LAMB4: variants seen among roughly 807,000 people sequenced by gnomAD.
The protein encoded by LAMB4 is laminin subunit beta 4, also known as laminin subunit beta-4.
In LAMB4, 196 loss-of-function variants were observed where a neutral mutation model predicts 199.2. The observed-to-expected ratio is 0.98, with a 90% CI of 0.88 to 1.11. The LOEUF is 1.11. Ranked by LOEUF, LAMB4 falls within the 50% of genes least tolerant of loss-of-function variation. The probability of loss-of-function intolerance (pLI) is 0.00; values close to 1 mark genes in which losing one functional copy is unlikely to be tolerated. For missense variants in LAMB4, 2,080 were observed against 2,171.2 expected, an observed-to-expected ratio of 0.96 and a Z score of 0.83; for synonymous variants, 744 against 770.6, an observed-to-expected ratio of 0.97 and a Z score of 0.57.
intron 1 of LAMB4, among the ~76,000 whole-genome samples, chr7:108,127,027 G>T (rs2038813356): frequency 1.3e-5 from 2 of 152,114 alleles, no homozygotes; most frequent in African/African-American, 2.4e-5. Flanking sequence ...ATTCTGAGAT[G>T]TAGCCAGGGT....
intron 8 of LAMB4, among the ~76,000 whole-genome samples, chr7:108,105,369 G>A (rs1276933296): frequency 6.6e-6 from 1 of 152,190 alleles, no homozygotes; most frequent in African/African-American, 2.4e-5. Context: ...ACAGGGTCTT[G>A]CACACAAAAG....
chr7:108,069,735 A>G lies in LAMB4; in HGVS notation c.2275T>C (p.Ser759Pro). Residue 759 changes from serine (S) to proline (P), a missense_variant, in exon 18 of 34, where the codon TCT (serine) becomes CCT (proline). Coordinates refer to ENST00000388781, the MANE Select transcript of LAMB4 (RefSeq NM_007356.3). ...GACERLIISM[S>P]AKLHDGAVAC... Reference sequence around the variant, plus strand: ...ACAGCCCCATCATGCAGCTTGGCAGACATGCTGATGATCAGCCTTTCACAG... The same window carrying G: ...ACAGCCCCATCATGCAGCTTGGCAGGCATGCTGATGATCAGCCTTTCACAG... The G allele has an allele frequency of 6.2e-7, 1 of 1,613,926 alleles. No homozygotes were observed. Among genetic ancestry groups the G allele is most frequent in the East Asian group, 2.2e-5 (1 of 44,890 alleles).
chr7:108,035,449 T>C (rs536918851), intron 30 of LAMB4, among the ~76,000 whole-genome samples: 8 of 150,864 alleles, frequency 5.3e-5, no homozygotes, highest in African/African-American at 1.9e-4. Flanking sequence ...GGCTGAGGCA[T>C]GAGAATCACT....
Position 108,107,833 on chromosome 7 carries a change from G to A in LAMB4, c.403-14C>T, listed in dbSNP as rs959039694. The A allele has an allele frequency of 1.3e-6, 2 of 1,558,358 alleles. No homozygotes were observed. Among genetic ancestry groups the A allele is most frequent in the Non-Finnish European group, 1.7e-6 (2 of 1,156,234 alleles). On this transcript the variant is annotated splice_polypyrimidine_tract_variant and intron_variant, in intron 5 of 33. Coordinates refer to ENST00000388781, the MANE Select transcript of LAMB4 (RefSeq NM_007356.3). ...AGGCCGAAAAGTCTAGGAAAAATGA[G>A]TAAAAGTTGGCACATTTCACAAAGG... is the stretch of plus-strand genomic sequence containing the variant.
chr7:108,130,033 T>C (rs1275590391), intron 1 of LAMB4, among the ~76,000 whole-genome samples: 2 of 152,240 alleles, frequency 1.3e-5, no homozygotes, highest in Non-Finnish European at 2.9e-5. Flanking sequence ...CACTACATCA[T>C]TTGAAGCTCC....
intron 29 of LAMB4, among the ~76,000 whole-genome samples, chr7:108,039,617 C>T (rs867929809): frequency 6.6e-6 from 1 of 152,046 alleles, no homozygotes; most frequent in Middle Eastern, 3.4e-3. Context: ...CATAGGCACG[C>T]ACCACCACAT....
At chr7:108,028,136 A>G (rs947289040) in intron 33 of LAMB4, among the ~76,000 whole-genome samples, 1 of 152,192 alleles carries the variant, frequency 6.6e-6, no homozygotes, top group African/African-American at 2.4e-5. Context: ...ATTTAGATCA[A>G]AATCCTTGTC....
intron 17 of LAMB4, among the ~76,000 whole-genome samples, chr7:108,071,346 CA>C (rs67145924): frequency 0.11 from 15,996 of 152,086 alleles, 1,025 homozygotes; most frequent in African/African-American, 0.19. Flanking sequence ...CTCTCATCAG[CA>C]CCCCCCTAAC....
Position 108,092,320 on chromosome 7 carries a change from A to G in LAMB4, c.1550+17T>C, listed in dbSNP as rs1423369131. On this transcript the variant is annotated intron_variant, in intron 13 of 33. Coordinates refer to ENST00000388781, the MANE Select transcript of LAMB4 (RefSeq NM_007356.3). ...TGTTTAAATAAGGAATATTGCTATAAAACTTATTTGACTTACACGTTAGAA... is the reference window on the plus strand; with the variant it reads ...TGTTTAAATAAGGAATATTGCTATAGAACTTATTTGACTTACACGTTAGAA... The G allele has an allele frequency of 9.4e-6, 15 of 1,591,332 alleles. No homozygotes were observed. The highest frequency in any genetic ancestry group is 1.2e-5 in the Non-Finnish European group (14 of 1,159,474).
intron 15 of LAMB4, among the ~76,000 whole-genome samples, chr7:108,078,976 T>C (rs907879278): frequency 6.6e-6 from 1 of 152,216 alleles, no homozygotes; most frequent in Non-Finnish European, 1.5e-5. Flanking sequence ...TGGGAGCCTC[T>C]AAGACCACAC....
At chr7:108,044,963 AAAAAAAAAAAAG>A (rs1417653684) in intron 28 of LAMB4, among the ~76,000 whole-genome samples, 3 of 147,334 alleles carry the variant, frequency 2.0e-5, no homozygotes, top group African/African-American at 7.9e-5. Context: ...CTCAAAAAAA[AAAAAAAAAAAAG>A]AAAAGAAAAG....
intron 14 of LAMB4, among the ~76,000 whole-genome samples, chr7:108,081,634 T>C (rs1186804981): frequency 6.7e-6 from 1 of 149,974 alleles, no homozygotes; most frequent in Non-Finnish European, 1.5e-5. Context: ...TGGAGGTAGA[T>C]AATTTACTGT....
At chr7:108,069,459 A>G (rs1308060402) in intron 18 of LAMB4, among the ~76,000 whole-genome samples, 2 of 152,202 alleles carry the variant, frequency 1.3e-5, no homozygotes, top group Non-Finnish European at 2.9e-5. Context: ...AGAATTCCAA[A>G]TGAATATTTT....
At chr7:108,042,604 GATTCTACCCC>G (rs1435391533) in intron 29 of LAMB4, among the ~76,000 whole-genome samples, 2 of 152,114 alleles carry the variant, frequency 1.3e-5, no homozygotes, top group Non-Finnish European at 2.9e-5. Context: ...CCAGTAGACT[GATTCTACCCC>G]ATTCGTTTTT....
At chr7:108,100,171 A>T (rs1029160170) in intron 10 of LAMB4, among the ~76,000 whole-genome samples, 1 of 152,220 alleles carries the variant, frequency 6.6e-6, no homozygotes, top group Non-Finnish European at 1.5e-5. Context: ...AAATAGCCTT[A>T]TGTCATGACC....
At chr7:108,068,975 C>A (rs1221437106) in intron 18 of LAMB4, among the ~76,000 whole-genome samples, 1 of 152,200 alleles carries the variant, frequency 6.6e-6, no homozygotes. Context: ...TGTGACCCAC[C>A]ATGCCCGGTC....
In LAMB4 at chr7:108,027,245, A is replaced by G. The variant is rs558612040; in HGVS notation, c.5146+1798T>C. Among the ~76,000 whole-genome samples the G allele has an allele frequency of 1.9e-3, 265 of 138,878 alleles. 1 individual carries two copies. Among genetic ancestry groups the G allele is most frequent in the Middle Eastern group, 7.1e-3 (2 of 282 alleles). 91.1% of individuals were successfully genotyped at this position (138,878 alleles called of 152,430 possible). A position where few individuals can be genotyped will look rare whatever the true frequency, so the allele number is the denominator to read the frequency against. On this transcript the variant is annotated intron_variant, in intron 33 of 33. Transcript: ENST00000388781. ...GCACGGAGGTGTTGAATGCAAGATTAAAAAAAAAATCTGTTTCTCTGAATC... is the reference window on the plus strand; with the variant it reads ...GCACGGAGGTGTTGAATGCAAGATTGAAAAAAAAATCTGTTTCTCTGAATC...
chr7:108,065,580 C>G (rs1364751229), intron 21 of LAMB4, among the ~76,000 whole-genome samples, 182 bp downstream of exon 21: 1 of 152,084 alleles, frequency 6.6e-6, no homozygotes, highest in Non-Finnish European at 1.5e-5. Context: ...TTTTAATTGT[C>G]ATTGGTTTGT....
At chr7:108,090,906 A>G (rs1193860985) in intron 14 of LAMB4, among the ~76,000 whole-genome samples, 1 of 152,078 alleles carries the variant, frequency 6.6e-6, no homozygotes, top group Non-Finnish European at 1.5e-5. Flanking sequence ...GTAAAAGAGC[A>G]AATTCCAAGC....
Sources: allele counts gnomAD v4.1 joint callset (sites outside exome capture counted in the v4.1 genomes callset), GRCh38; gene constraint gnomAD v4.1.1; transcripts MANE v1.5; gene names NCBI Gene and HGNC (gene_info 2026-07-23, HGNC 2026-07-21).